RAD51D: variants seen among roughly 807,000 people sequenced by gnomAD.
RAD51D encodes DNA repair protein RAD51 homolog 4.
RAD51D carries 38 observed loss-of-function variants against 44.1 expected under a neutral mutation model. The ratio of observed to expected loss-of-function variants is 0.86; its 90% confidence interval spans 0.67 to 1.13. RAD51D has a LOEUF of 1.13. Among genes scored for constraint, RAD51D ranks in the 50% most tolerant of loss-of-function variants. The pLI is 0.00. For synonymous variants in RAD51D, 141 were observed against 166.6 expected (o/e 0.85, Z 1.18); for missense variants, 390 against 414.0 (o/e 0.94, Z 0.50).
chr17:35,101,426 G>T, intron 8 of RAD51D, 61 bp from the exon 9 acceptor site: 2 of 1,550,314 alleles, frequency 1.3e-6, no homozygotes, highest in South Asian at 2.2e-5. Flanking sequence ...GATTACTACC[G>T]CTTCATTTTA....
intron 6 of RAD51D, among the ~76,000 whole-genome samples, chr17:35,105,316 G>A (rs150396013): frequency 4.3e-4 from 66 of 152,000 alleles, no homozygotes; most frequent in African/African-American, 1.5e-3. Context: ...TTAAAGACGG[G>A]GTCTAGCTCT....
rs2091465490 is a variant in RAD51D at position 35,092,942 on chromosome 17, C to T, written c.*8011G>A. The T allele has an allele frequency of 2.0e-5, 3 of 152,172 alleles. No individual in the cohort carries two copies. Among genetic ancestry groups the T allele is most frequent in the African/African-American group, 7.2e-5 (3 of 41,438 alleles). 9.4% of individuals were successfully genotyped at this position (152,172 alleles called of 1,614,324 possible). A position where few individuals can be genotyped will look rare whatever the true frequency, so the allele number is the denominator to read the frequency against. On this transcript the variant is annotated 3_prime_UTR_variant, in exon 10 of 10. Transcript: ENST00000345365. Reference sequence around the variant, plus strand: ...AACTGGCTACACTGTTTGCAAGAAACAGTGCAAAATATGGGATGCTTGTTT... The same window carrying T: ...AACTGGCTACACTGTTTGCAAGAAATAGTGCAAAATATGGGATGCTTGTTT...
Position 35,117,156 on chromosome 17 carries a change from A to G in RAD51D, c.263+1345T>C. The G allele has an allele frequency of 2.7e-6, 3 of 1,129,454 alleles. No homozygotes were observed. The South Asian group carries it at 4.6e-5, about 17-fold the overall frequency. The allele number at this position is 1,129,454 out of a possible 1,614,324, so 70.0% of individuals were successfully genotyped here. On this transcript the variant is annotated intron_variant, in intron 3 of 9. Transcript: ENST00000345365. ...TCTTGTATTCACTTGATTTTCCCCTACACCCAACTAGAGGCCTTAAGGGCA... is the reference window on the plus strand; with the variant it reads ...TCTTGTATTCACTTGATTTTCCCCTGCACCCAACTAGAGGCCTTAAGGGCA...
rs753009349 is a variant in RAD51D, at chr17:35,107,122, C to A, written c.346G>T (p.Val116Leu). The stretch of plus-strand genomic sequence containing the variant: ...ACATTTGCTGCCATACAGAGACATA[C>A]CTGGGGGTGGGGGCATTGGATGAAC... Reference protein sequence around the residue: ...VGGPGSGKTQVCLCMAANVAH... With the variant: ...VGGPGSGKTQLCLCMAANVAH... Residue 116 changes from valine (V) to leucine (L), a missense_variant and splice_region_variant, in exon 5 of 10, where the codon GTA becomes TTA. Val to Leu is a conservative substitution (Grantham distance 32, BLOSUM62 1). Coordinates refer to ENST00000345365, the MANE Select transcript of RAD51D (RefSeq NM_002878.4). 1 of 1,614,032 alleles carries A rather than the reference C, an allele frequency of 6.2e-7. No individual in the cohort carries two copies. Among genetic ancestry groups the A allele is most frequent in the Non-Finnish European group, 8.5e-7 (1 of 1,180,024 alleles).
Position 35,100,050 on chromosome 17 carries a change from GC to G in RAD51D, c.*902del, listed in dbSNP as rs2091516288. On this transcript the variant is annotated 3_prime_UTR_variant, in exon 10 of 10. Coordinates refer to ENST00000345365, the MANE Select transcript of RAD51D (RefSeq NM_002878.4). ...ACGTCAGCATCAATTTTCCCAGCTG[GC>G]TCTATTTACTGTGCAAATTCTCCTC... The G allele has an allele frequency of 5.6e-6, 3 of 532,190 alleles. No individual in the cohort carries two copies. Among genetic ancestry groups the G allele is most frequent in the Non-Finnish European group, 1.1e-5 (3 of 275,142 alleles). 33.0% of individuals were successfully genotyped at this position (532,190 alleles called of 1,614,324 possible).
chr17:35,100,459 C>T lies in RAD51D; in HGVS notation c.*494G>A. The T allele has an allele frequency of 1.9e-6, 1 of 535,068 alleles. No individual in the cohort carries two copies. The highest frequency in any genetic ancestry group is 1.5e-5 in the South Asian group (1 of 65,180). 33.1% of individuals were successfully genotyped at this position (535,068 alleles called of 1,614,324 possible). A position where few individuals can be genotyped will look rare whatever the true frequency, so the allele number is the denominator to read the frequency against. On this transcript the variant is annotated 3_prime_UTR_variant, in exon 10 of 10. Transcript: ENST00000345365. The stretch of plus-strand genomic sequence containing the variant: ...TATTTCATTTATAAGCTTATTTCCA[C>T]CCAGTAACTCAGAGACAGAGCTAAG...
chr17:35,115,487 T>C (rs2091725317), intron 3 of RAD51D, among the ~76,000 whole-genome samples: 1 of 152,166 alleles, frequency 6.6e-6, no homozygotes, highest in Non-Finnish European at 1.5e-5. Flanking sequence ...TAATTTGGAT[T>C]AGTCAGGCAT....
intron 3 of RAD51D, among the ~76,000 whole-genome samples, chr17:35,114,404 C>A (rs1243311193): frequency 6.6e-6 from 1 of 152,028 alleles, no homozygotes; most frequent in East Asian, 1.9e-4. Context: ...TGATGCCTGG[C>A]CAGGCATGGT....
Position 35,100,071 on chromosome 17 carries a change from C to A in RAD51D, c.*882G>T. 1.9e-6 allele frequency: 1 copy of A among 533,148 alleles called. No homozygotes were observed. Among genetic ancestry groups the A allele is most frequent in the Non-Finnish European group, 3.6e-6 (1 of 275,632 alleles). 33.0% of individuals were successfully genotyped at this position (533,148 alleles called of 1,614,324 possible). On this transcript the variant is annotated 3_prime_UTR_variant, in exon 10 of 10. Transcript: ENST00000345365. ...GCTGGCTCTATTTACTGTGCAAATT[C>A]TCCTCTGTCTGTTTATGGGCAAGGC...
intron 3 of RAD51D, among the ~76,000 whole-genome samples, chr17:35,110,438 C>T (rs1007285661): frequency 2.6e-5 from 4 of 152,082 alleles, no homozygotes; most frequent in Admixed American, 6.6e-5. Flanking sequence ...TTTGATTAGG[C>T]CCCATTAATC....
Position 35,103,884 on chromosome 17 carries a change from C to A in RAD51D, c.577-340G>T, listed in dbSNP as rs2091569253. Among the ~76,000 whole-genome samples, 1 of 152,170 alleles carries A rather than the reference C, an allele frequency of 6.6e-6. No individual in the cohort carries two copies. Among genetic ancestry groups the A allele is most frequent in the Non-Finnish European group, 1.5e-5 (1 of 68,022 alleles). ...CTTGAGGTCAGGAGTTCGAGACCAGCCTGGCCAACATGGTGAAACCCCGTC... is the reference window on the plus strand; with the variant it reads ...CTTGAGGTCAGGAGTTCGAGACCAGACTGGCCAACATGGTGAAACCCCGTC... On this transcript the variant is annotated intron_variant, in intron 6 of 9. Coordinates refer to ENST00000345365, the MANE Select transcript of RAD51D (RefSeq NM_002878.4). The surrounding 1 kb of genome is among the most constrained non-coding windows in gnomAD (Gnocchi z 4.1).
chr17:35,102,870 T>C (rs1212915185), intron 8 of RAD51D, among the ~76,000 whole-genome samples: 1 of 152,178 alleles, frequency 6.6e-6, no homozygotes, highest in African/African-American at 2.4e-5. Context: ...TATGAAGCTC[T>C]GGAAAAGGCC....
At chr17:35,119,349 C>A in intron 1 of RAD51D, 177 bp from the exon 2 acceptor site, 2 of 901,856 alleles carry the variant, frequency 2.2e-6, no homozygotes, top group Non-Finnish European at 3.6e-6. Context: ...CAGTAGGAAT[C>A]TCTACCCTGT....
Position 35,117,178 on chromosome 17 carries a change from G to T in RAD51D, c.263+1323C>A, listed in dbSNP as rs28363263. Reference sequence around the variant, plus strand: ...CCTACACCCAACTAGAGGCCTTAAGGGCAGGGGCCTTGCCTCATTCGTGTA... The same window carrying T: ...CCTACACCCAACTAGAGGCCTTAAGTGCAGGGGCCTTGCCTCATTCGTGTA... On this transcript the variant is annotated intron_variant, in intron 3 of 9. Transcript: ENST00000345365. The T allele has an allele frequency of 8.9e-4, 813 of 910,716 alleles. 8 individuals carry two copies. The African/African-American group carries it at 0.012, about 14-fold the overall frequency. 56.4% of individuals were successfully genotyped at this position (910,716 alleles called of 1,614,324 possible). A position where few individuals can be genotyped will look rare whatever the true frequency, so the allele number is the denominator to read the frequency against.
rs990273246 is a variant in RAD51D at position 35,099,724 on chromosome 17, C to T, written c.*1229G>A. On this transcript the variant is annotated 3_prime_UTR_variant, in exon 10 of 10. Coordinates refer to ENST00000345365, the MANE Select transcript of RAD51D (RefSeq NM_002878.4). Reference sequence around the variant, plus strand: ...GCCAAGACATAACTGATTAATTACACAACAGGCTCTCTAACCAAGAAAGAT... The same window carrying T: ...GCCAAGACATAACTGATTAATTACATAACAGGCTCTCTAACCAAGAAAGAT... The T allele has an allele frequency of 7.5e-6, 3 of 398,440 alleles. No individual in the cohort carries two copies. The Admixed American group carries it at 1.0e-4, about 14-fold the overall frequency. The allele number at this position is 398,440 out of a possible 1,614,324, so 24.7% of individuals were successfully genotyped here.
rs369946779 is a variant in RAD51D at position 35,118,547 on chromosome 17, C to T, written c.217G>A (p.Glu73Lys). Reference sequence around the variant, plus strand: ...ATGGCAGTGGAGGTCTTCAGTTCCTCGTAGAGATCAGCGCCATTCACGGGG... The same window carrying T: ...ATGGCAGTGGAGGTCTTCAGTTCCTTGTAGAGATCAGCGCCATTCACGGGG... ...AFPVNGADLY[E>K]ELKTSTAILS... is the part of the protein sequence containing the mutation. The change falls in exon 3 of 10, where the codon GAG becomes AAG. Residue 73 changes from glutamate to lysine, a missense_variant. Glu to Lys is a moderately conservative substitution (Grantham distance 56). Coordinates refer to ENST00000345365, the MANE Select transcript of RAD51D (RefSeq NM_002878.4). The T allele has an allele frequency of 3.7e-6, 6 of 1,614,064 alleles. No individual in the cohort carries two copies. In the African/African-American group the frequency reaches 5.3e-5, roughly 14 times the overall value.
At chr17:35,108,169 C>T (rs1048052314) in intron 3 of RAD51D, among the ~76,000 whole-genome samples, 19 of 151,338 alleles carry the variant, frequency 1.3e-4, no homozygotes, top group Non-Finnish European at 7.4e-5. Flanking sequence ...CGCTTGAACC[C>T]AGGAGGTGGA....
In RAD51D at chr17:35,100,227, C is replaced by G; in HGVS notation, c.*726G>C. ...TTTCTGTTAAATTATATCCCTGGAA[C>G]TGCAGCGAGCCCACACGTTCTCACC... is the stretch of plus-strand genomic sequence containing the variant. On this transcript the variant is annotated 3_prime_UTR_variant, in exon 10 of 10. Coordinates refer to ENST00000345365, the MANE Select transcript of RAD51D (RefSeq NM_002878.4). The G allele has an allele frequency of 3.8e-6, 2 of 532,724 alleles. No homozygotes were observed. Among genetic ancestry groups the G allele is most frequent in the South Asian group, 3.1e-5 (2 of 65,164 alleles). 33.0% of individuals were successfully genotyped at this position (532,724 alleles called of 1,614,324 possible).
chr17:35,109,965 CTT>C (rs60553944), intron 3 of RAD51D, among the ~76,000 whole-genome samples: 16 of 132,744 alleles, frequency 1.2e-4, no homozygotes, highest in Non-Finnish European at 1.4e-4. Context: ...CCACGCCTGG[CTT>C]TTTTTTTTTT....
Sources: gnomAD v4.1 joint callset for allele counts (sites outside exome capture counted in the v4.1 genomes callset) on GRCh38, gnomAD v4.1.1 for gene constraint, Gnocchi (gnomAD v3.1) non-coding constraint, MANE v1.5 for transcripts, NCBI Gene and HGNC (gene_info 2026-07-23, HGNC 2026-07-21) for gene names.